Variants in HMGA2 observed in about 807,000 individuals in gnomAD.
HMGA2 encodes high mobility group protein HMGI-C.
A neutral mutation model predicts 19.1 loss-of-function variants in HMGA2; 8 were observed. The ratio of observed to expected loss-of-function variants is 0.42; its 90% CI spans 0.25 to 0.76. The LOEUF (loss-of-function observed/expected upper bound fraction) is 0.76. Among genes scored for constraint, HMGA2 ranks in the 30% least tolerant of loss-of-function variants. The pLI is 0.28. For synonymous variants in HMGA2, 60 were observed against 48.8 expected (o/e 1.23, Z -0.96); for missense variants, 109 against 136.3 (o/e 0.80, Z 1.00).
chr12:65,917,086 G>C (rs1592443873), intron 3 of HMGA2, among the ~76,000 whole-genome samples: 2 of 152,160 alleles, frequency 1.3e-5, no homozygotes, highest in East Asian at 1.9e-4. Flanking sequence ...GAGTATAGGT[G>C]GTAATTGAAT....
intron 3 of HMGA2, chr12:65,867,828 T>C (rs1872508575): frequency 6.1e-6 from 1 of 165,044 alleles, no homozygotes; most frequent in Admixed American, 5.9e-5. Context: ...GCCTTTTCTT[T>C]CTTACACATT....
At chr12:65,903,005 G>A (rs1874435985) in intron 3 of HMGA2, among the ~76,000 whole-genome samples, 2 of 152,116 alleles carry the variant, frequency 1.3e-5, no homozygotes, top group Non-Finnish European at 2.9e-5. Flanking sequence ...GGATCTAAAA[G>A]AAGAAAGAGA....
intron 3 of HMGA2, among the ~76,000 whole-genome samples, chr12:65,845,063 C>T (rs1232541357): frequency 6.6e-6 from 1 of 152,114 alleles, no homozygotes; most frequent in Non-Finnish European, 1.5e-5. Flanking sequence ...CACATATTTA[C>T]CTACATTCAC....
chr12:65,955,684 G>A (rs1470651963), intron 4 of HMGA2: 2 of 152,166 alleles, frequency 1.3e-5, no homozygotes, highest in Non-Finnish European at 2.9e-5. Context: ...TTCCCAATGA[G>A]AGAATTGCAA....
At chr12:65,943,824 C>T (rs183585246) in intron 3 of HMGA2, among the ~76,000 whole-genome samples, 3 of 152,300 alleles carry the variant, frequency 2.0e-5, no homozygotes, top group Admixed American at 2.0e-4. Flanking sequence ...TCTAAATGCA[C>T]ACAGGAGGCA....
intron 3 of HMGA2, among the ~76,000 whole-genome samples, chr12:65,892,601 T>A (rs1325102645): frequency 2.6e-5 from 4 of 151,974 alleles, no homozygotes; most frequent in Admixed American, 2.6e-4. Context: ...GGTGAAAGAG[T>A]CATCTGTGTT....
chr12:65,893,718 A>G lies in HMGA2; in HGVS notation c.249+55149A>G, dbSNP rs1301367047. Among the ~76,000 whole-genome samples the G allele has an allele frequency of 3.3e-5, 5 of 152,348 alleles. No homozygotes were observed. The East Asian group carries it at 5.8e-4, about 18-fold the overall frequency. On this transcript the variant is annotated intron_variant, in intron 3 of 4. Coordinates refer to ENST00000403681, the MANE Select transcript of HMGA2 (RefSeq NM_003483.6). ...TGAGCTTTATTCCAAGAGTTAAGCA[A>G]TGAAGTTGCAAAGTTTAATTGGTGT...
In HMGA2 at chr12:65,964,300, A is replaced by AGGG. The variant is rs1359546388; in HGVS notation, c.*1014_*1016dup. On this transcript the variant is annotated 3_prime_UTR_variant, in exon 5 of 5. Coordinates refer to ENST00000403681, the MANE Select transcript of HMGA2 (RefSeq NM_003483.6). ...TCAATTTAAAAAGCAAAAAAAAAAA[A>AGGG]GGGGGGGGCAATCTCTCTCTGTGTC... The AGGG allele has an allele frequency of 7.4e-5, 11 of 148,908 alleles. No individual in the cohort carries two copies. Among genetic ancestry groups the AGGG allele is most frequent in the South Asian group, 4.0e-4 (1 of 2,530 alleles). 9.2% of individuals were successfully genotyped at this position (148,908 alleles called of 1,614,324 possible).
At chr12:65,845,982 C>G (rs12309680) in intron 3 of HMGA2, among the ~76,000 whole-genome samples, 1 of 152,148 alleles carries the variant, frequency 6.6e-6, no homozygotes, top group African/African-American at 2.4e-5. Flanking sequence ...TGCTCATTAG[C>G]GCCTCCACCA....
At chr12:65,938,938 G>T (rs1020545484) in intron 3 of HMGA2, among the ~76,000 whole-genome samples, 3 of 152,006 alleles carry the variant, frequency 2.0e-5, no homozygotes, top group Non-Finnish European at 4.4e-5. Context: ...AAGTCACTGG[G>T]CCCCCCAAAT....
chr12:65,899,128 T>C (rs531070135), intron 3 of HMGA2, among the ~76,000 whole-genome samples: 1 of 151,752 alleles, frequency 6.6e-6, no homozygotes, highest in South Asian at 2.1e-4. Flanking sequence ...TGGAGTCAAT[T>C]TCCAACGATG....
At chr12:65,831,397 T>A (rs1355603699) in intron 2 of HMGA2, among the ~76,000 whole-genome samples, 1 of 133,978 alleles carries the variant, frequency 7.5e-6, no homozygotes. Flanking sequence ...CTCATTCACA[T>A]ATTTTAGGAA....
In HMGA2 at chr12:65,835,594, A is replaced by C. The variant is rs191915674; in HGVS notation, c.199-2925A>C. Among the ~76,000 whole-genome samples the C allele has an allele frequency of 7.9e-5, 12 of 152,300 alleles. No homozygotes were observed. In the East Asian group the frequency reaches 2.3e-3, roughly 29 times the overall value. On this transcript the variant is annotated intron_variant, in intron 2 of 4. Coordinates refer to ENST00000403681, the MANE Select transcript of HMGA2 (RefSeq NM_003483.6). ...AATGGTGCAAATTTTATTTCTCAAT[A>C]GGCTTTTTGTAAATGAGATGCTCAT...
intron 3 of HMGA2, among the ~76,000 whole-genome samples, chr12:65,890,838 C>G (rs1873872964): frequency 6.6e-6 from 1 of 152,058 alleles, no homozygotes; most frequent in African/African-American, 2.4e-5. Flanking sequence ...ATTCTCCTGC[C>G]TCAGCCTCCT....
chr12:65,959,891 T>G (rs1372766027), intron 4 of HMGA2, among the ~76,000 whole-genome samples: 1 of 152,172 alleles, frequency 6.6e-6, no homozygotes, highest in African/African-American at 2.4e-5. Flanking sequence ...TTTTTTTCTT[T>G]TTTTTTCTTT....
intron 3 of HMGA2, among the ~76,000 whole-genome samples, chr12:65,840,481 C>A (rs1327954154): frequency 3.3e-5 from 5 of 152,208 alleles, no homozygotes; most frequent in Non-Finnish European, 7.3e-5. Flanking sequence ...ATCACCCATA[C>A]ATGGCCTCCC....
intron 2 of HMGA2, 66 bp from the exon 3 acceptor site, chr12:65,838,453 C>T (rs184067797): frequency 2.6e-5 from 31 of 1,192,958 alleles, no homozygotes; most frequent in Middle Eastern, 3.8e-4. Context: ...CAAATGTGTC[C>T]CTTGGTGCAG....
chr12:65,924,901 CT>C (rs919797687), intron 3 of HMGA2, among the ~76,000 whole-genome samples: 2 of 152,196 alleles, frequency 1.3e-5, no homozygotes, highest in African/African-American at 2.4e-5. Context: ...TTCCATCCCT[CT>C]TCTGCCGTTC....
At chr12:65,917,447 A>T (rs748504834) in intron 3 of HMGA2, among the ~76,000 whole-genome samples, 2 of 152,198 alleles carry the variant, frequency 1.3e-5, no homozygotes, top group South Asian at 4.1e-4. Flanking sequence ...TGTTTCCTCC[A>T]TGCTCTCTAG....
Sources: gnomAD v4.1 joint callset for allele counts (sites outside exome capture counted in the v4.1 genomes callset) on GRCh38, gnomAD v4.1.1 for gene constraint, MANE v1.5 for transcripts, NCBI Gene and HGNC (gene_info 2026-07-23, HGNC 2026-07-21) for gene names.